The following SHOX variants were observed in gnomAD, a reference collection of about 807,000 sequenced individuals.
SHOX encodes short stature homeobox protein.
A neutral mutation model predicts 29.6 loss-of-function variants in SHOX; 12 were observed. The observed-to-expected ratio is 0.41, with a 90% CI of 0.26 to 0.66. SHOX has a LOEUF of 0.66. Ranked by LOEUF, SHOX falls within the 30% of genes least tolerant of loss-of-function variation. The pLI is 0.35. For synonymous variants in SHOX, 214 were observed against 200.6 expected, an observed-to-expected ratio of 1.07 and a Z score of -0.57; for missense variants, 499 against 437.7, an observed-to-expected ratio of 1.14 and a Z score of -1.25.
chrX:651,728 C>G (rs759397724), downstream of SHOX, among the ~76,000 whole-genome samples: 1 of 151,404 alleles, frequency 6.6e-6, no homozygotes, highest in African/African-American at 2.4e-5. Context: ...GGGTGGGTAC[C>G]CAGTGTTGCC....
At chrX:624,386 CTT>C (rs55872554) in exon 1 of SHOX, 86 of 130,958 alleles carry the variant, frequency 6.6e-4, no homozygotes, top group South Asian at 2.3e-3. Flanking sequence ...GCTCCCCACA[CTT>C]TTTTTTTTTT....
chrX:634,495 T>C, intron 1 of SHOX, 123 bp from the exon 2 acceptor site: 1 of 1,049,226 alleles, frequency 9.5e-7, no homozygotes, highest in Non-Finnish European at 1.4e-6. Flanking sequence ...CCCCACGCAG[T>C]TTTTGCGTCA....
chrX:644,174 T>A (rs892727737), intron 4 of SHOX, among the ~76,000 whole-genome samples: 8 of 152,120 alleles, frequency 5.3e-5, no homozygotes, highest in African/African-American at 1.9e-4. Flanking sequence ...CTGTTCGGAT[T>A]CCCCTGGCCC....
upstream of SHOX, chrX:630,728 G>A: frequency 3.8e-6 from 3 of 798,132 alleles, no homozygotes; most frequent in Non-Finnish European, 6.2e-6. Flanking sequence ...CACCAGACAG[G>A]CAGCGCATGG....
chrX:635,109 G>C (rs2052722342), intron 2 of SHOX, among the ~76,000 whole-genome samples: 1 of 151,974 alleles, frequency 6.6e-6, no homozygotes, highest in Non-Finnish European at 1.5e-5. Context: ...TGGGTATATT[G>C]TATATATTAT....
upstream of SHOX, among the ~76,000 whole-genome samples, chrX:630,213 C>A (rs1267763798): frequency 2.0e-5 from 3 of 152,124 alleles, no homozygotes; most frequent in Admixed American, 1.3e-4. Flanking sequence ...ATTCTCCAGC[C>A]GCGTTCCATC....
chrX:652,340 A>AAT (rs1556474541), downstream of SHOX, among the ~76,000 whole-genome samples: 39 of 135,160 alleles, frequency 2.9e-4, no homozygotes, highest in Non-Finnish European at 1.2e-4. Context: ...AAAATGACAA[A>AAT]TTTTTTTTTT....
intron 4 of SHOX, 127 bp from the exon 5 acceptor site, chrX:644,264 A>G (rs915550408): frequency 5.8e-5 from 73 of 1,251,478 alleles, no homozygotes; most frequent in Non-Finnish European, 1.6e-5. Flanking sequence ...GGTGGTCTCC[A>G]CGGCTGGAGA....
chrX:635,833 T>A (rs1193720183), intron 2 of SHOX, among the ~76,000 whole-genome samples: 4 of 148,246 alleles, frequency 2.7e-5, no homozygotes, highest in Non-Finnish European at 5.9e-5. Flanking sequence ...CTCCTGGTTC[T>A]GGGCAGGACA....
rs2052940762 is a variant in SHOX at position 645,056 on chromosome X, C to T, written c.*420C>T. ...CTGGTCTCCGATGAAAATGCCATTT[C>T]TTCGTTGCCAACGATTTTCTTTACT... is the stretch of plus-strand genomic sequence containing the variant. On this transcript the variant is annotated 3_prime_UTR_variant, in exon 5 of 5. Coordinates refer to ENST00000686671, the MANE Select transcript of SHOX (RefSeq NM_000451.4). 1 of 174,788 alleles carries T rather than the reference C, an allele frequency of 5.7e-6. No homozygotes were observed. Among genetic ancestry groups the T allele is most frequent in the South Asian group, 1.9e-4 (1 of 5,148 alleles). The allele number at this position is 174,788 out of a possible 1,614,324, so 10.8% of individuals were successfully genotyped here.
rs1569495686 is a variant in SHOX at position 648,911 on chromosome X, T to TTCCTTCCTTCCTTC, written c.*4275_*4276insTCCTTCCTTCCTTC. On this transcript the variant is annotated 3_prime_UTR_variant, in exon 5 of 5. Coordinates refer to ENST00000686671, the MANE Select transcript of SHOX (RefSeq NM_000451.4). ...CTTCTCCTTCCTTCCTTCCTTCCTT[T>TTCCTTCCTTCCTTC]CTTTCTTTTTCTTTCTTTCTCTCTT... Among the ~76,000 whole-genome samples, 697 of 127,478 alleles carry TTCCTTCCTTCCTTC rather than the reference T, an allele frequency of 5.5e-3. 13 individuals are homozygous for TTCCTTCCTTCCTTC. Among genetic ancestry groups the TTCCTTCCTTCCTTC allele is most frequent in the African/African-American group, 0.019 (658 of 34,144 alleles). The allele number at this position is 127,478 out of a possible 152,430, so 83.6% of individuals were successfully genotyped here.
chrX:646,833 G>A lies in SHOX; in HGVS notation c.*2197G>A, dbSNP rs1377009830. 1 of 151,962 alleles carries A rather than the reference G, an allele frequency of 6.6e-6. No individual in the cohort carries two copies. The highest frequency in any genetic ancestry group is 1.5e-5 in the Non-Finnish European group (1 of 68,014). The allele number at this position is 151,962 out of a possible 1,614,324, so 9.4% of individuals were successfully genotyped here. On this transcript the variant is annotated 3_prime_UTR_variant, in exon 5 of 5. Coordinates refer to ENST00000686671, the MANE Select transcript of SHOX (RefSeq NM_000451.4). ...GAGAGAGAGAGGCTTTAATAGTTAA[G>A]CTGAAATTTTTATCGAAAAGAAGAA...
chrX:626,375 CTT>C (rs1389778993), upstream of SHOX, among the ~76,000 whole-genome samples: 5 of 103,474 alleles, frequency 4.8e-5, no homozygotes, highest in African/African-American at 2.4e-4. Context: ...TCCTCTCTCT[CTT>C]TCTCTGTCTC....
intron 5 of SHOX, among the ~76,000 whole-genome samples, chrX:656,730 C>T (rs2053151550): frequency 6.6e-6 from 1 of 151,704 alleles, no homozygotes; most frequent in African/African-American, 2.4e-5. Flanking sequence ...GTAGTCCCAG[C>T]TACTCAGGAG....
At chrX:626,210 CTT>C (rs2052529614), upstream of SHOX, among the ~76,000 whole-genome samples, 1 of 138,106 alleles carries the variant, frequency 7.2e-6, no homozygotes, top group Admixed American at 7.2e-5. Flanking sequence ...CTCTTTTTCT[CTT>C]TCTCTGTATC....
chrX:652,339 A>AT (rs1220969889), downstream of SHOX, among the ~76,000 whole-genome samples: 21 of 87,092 alleles, frequency 2.4e-4, no homozygotes, highest in African/African-American at 7.2e-4. Flanking sequence ...AAAAATGACA[A>AT]ATTTTTTTTT....
chrX:625,035 TTC>T (rs1569491764), intron 1 of SHOX, among the ~76,000 whole-genome samples: 5 of 134,236 alleles, frequency 3.7e-5, no homozygotes, highest in South Asian at 2.5e-4. Context: ...CCTCCCTCCT[TTC>T]CTTTCCTCCC....
At chrX:627,707 T>C (rs2052563268), upstream of SHOX, among the ~76,000 whole-genome samples, 1 of 152,174 alleles carries the variant, frequency 6.6e-6, no homozygotes, top group African/African-American at 2.4e-5. Flanking sequence ...TGCTCATTCC[T>C]GGAGGCTCGG....
intron 2 of SHOX, among the ~76,000 whole-genome samples, chrX:636,013 G>A (rs1410326395): frequency 6.6e-6 from 1 of 151,922 alleles, no homozygotes; most frequent in Non-Finnish European, 1.5e-5. Flanking sequence ...GCCCGTTCCC[G>A]TAGGACTGGT....
Sources: allele counts gnomAD v4.1 joint callset (sites outside exome capture counted in the v4.1 genomes callset), GRCh38; gene constraint gnomAD v4.1.1; transcripts MANE v1.5; gene names NCBI Gene and HGNC (gene_info 2026-07-23, HGNC 2026-07-21).